Variants in ERCC6L2 observed in about 807,000 individuals in gnomAD.
ERCC6L2 encodes the protein ERCC excision repair 6 like 2, also known as DNA excision repair protein ERCC-6-like 2.
ERCC6L2 carries 77 observed loss-of-function variants against 132.0 expected under a neutral mutation model. That is an observed-to-expected ratio of 0.58 (90% CI 0.49 to 0.71). The LOEUF (loss-of-function observed/expected upper bound fraction) is 0.71. Among genes scored for constraint, ERCC6L2 ranks in the 30% least tolerant of loss-of-function variants. ERCC6L2 has a pLI of 0.00. For synonymous variants in ERCC6L2, 583 were observed against 632.4 expected, an observed-to-expected ratio of 0.92 and a Z score of 1.17; for missense variants, 1,542 against 1,837.6, an observed-to-expected ratio of 0.84 and a Z score of 2.94.
intron 3 of ERCC6L2, among the ~76,000 whole-genome samples, chr9:95,902,731 A>G (rs1828842174): frequency 6.6e-6 from 1 of 152,126 alleles, no homozygotes; most frequent in South Asian, 2.1e-4. Flanking sequence ...ACATAAATTT[A>G]TGACTACCTG....
chr9:96,004,574 C>G lies in ERCC6L2; in HGVS notation c.3547C>G (p.Gln1183Glu). 1 of 1,310,878 alleles carries G rather than the reference C, an allele frequency of 7.6e-7. No individual in the cohort carries two copies. The allele number at this position is 1,310,878 out of a possible 1,614,324, so 81.2% of individuals were successfully genotyped here. A position where few individuals can be genotyped will look rare whatever the true frequency, so the allele number is the denominator to read the frequency against. The change falls in exon 18 of 19, where the codon CAA becomes GAA. Residue 1183 changes from glutamine (Q) to glutamate (E), a missense_variant. Physicochemically the swap from Gln to Glu is conservative, Grantham distance 29. Coordinates refer to ENST00000653738, the MANE Select transcript of ERCC6L2 (RefSeq NM_020207.7). ...ATTGCCACACACAAAGAAAGGCCAG[C>G]AACCGAGTGAAGGCAGCATTTCACT... ...DTLPHTKKGQQPSEGSISLPL... is the reference protein window; with the variant it reads ...DTLPHTKKGQEPSEGSISLPL...
At chr9:95,971,532 T>A (rs1458354168) in intron 15 of ERCC6L2, 1 of 154,026 alleles carries the variant, frequency 6.5e-6, no homozygotes. Flanking sequence ...GTAATCTGTC[T>A]TATTCTTAAA....
chr9:95,878,635 C>CATAAAG (rs1457697619), intron 1 of ERCC6L2, among the ~76,000 whole-genome samples: 1 of 151,714 alleles, frequency 6.6e-6, no homozygotes, highest in Admixed American at 6.6e-5. Context: ...AGGTATATCT[C>CATAAAG]CTAAAGCTAT....
intron 19 of ERCC6L2, chr9:96,026,134 A>T (rs573251447): frequency 1.3e-5 from 2 of 152,440 alleles, no homozygotes; most frequent in Admixed American, 1.3e-4. Context: ...AATCTCCGAG[A>T]TGGACCAGCC....
At chr9:95,918,200 C>G in intron 6 of ERCC6L2, 3 of 481,236 alleles carry the variant, frequency 6.2e-6, no homozygotes, top group South Asian at 4.8e-5. Context: ...GCAGTCAGCC[C>G]TGTAGACATG....
In ERCC6L2 at chr9:95,986,638, A is replaced by T. The variant is rs369122194; in HGVS notation, c.3492+8423A>T. On this transcript the variant is annotated intron_variant, in intron 17 of 18. Transcript: ENST00000653738. ...CAGCCTCCTGAGTAGCTGGGACTAC[A>T]GGCACACATCACCACAGCTGGCTAA... Among the ~76,000 whole-genome samples the T allele has an allele frequency of 2.6e-4, 40 of 151,956 alleles. 1 individual carries two copies. In the Middle Eastern group the frequency reaches 0.014, roughly 52 times the overall value.
chr9:95,951,008 G>A (rs7868559), intron 12 of ERCC6L2, among the ~76,000 whole-genome samples: 101,345 of 152,004 alleles, frequency 0.67, 34,796 homozygotes, highest in African/African-American at 0.83. Flanking sequence ...TCCTTCCAAC[G>A]ACAGCAGAAT....
In ERCC6L2 at chr9:95,972,636, C is replaced by G; in HGVS notation, c.2885C>G (p.Pro962Arg). 7.7e-7 allele frequency: 1 copy of G among 1,293,128 alleles called. No homozygotes were observed. Among genetic ancestry groups the G allele is most frequent in the Middle Eastern group, 2.1e-4 (1 of 4,694 alleles). 80.1% of individuals were successfully genotyped at this position (1,293,128 alleles called of 1,614,324 possible). A position where few individuals can be genotyped will look rare whatever the true frequency, so the allele number is the denominator to read the frequency against. ...RNGIISKKLSPENTTLKSILK... is the reference protein window; with the variant it reads ...RNGIISKKLSRENTTLKSILK... Reference sequence around the variant, plus strand: ...GGAATAATTTCAAAAAAGTTAAGTCCTGAGAACACAACCCTGAAATCTATT... The same window carrying G: ...GGAATAATTTCAAAAAAGTTAAGTCGTGAGAACACAACCCTGAAATCTATT... The change falls in exon 16 of 19, where the codon CCT (proline) becomes CGT (arginine). Residue 962 changes from proline (P) to arginine (R), a missense_variant. Pro to Arg is a moderately radical substitution (Grantham distance 103, BLOSUM62 -2). Coordinates refer to ENST00000653738, the MANE Select transcript of ERCC6L2 (RefSeq NM_020207.7).
rs572600144 is a variant in ERCC6L2 at position 95,875,768 on chromosome 9, G to A, written c.-271G>A. On this transcript the variant is annotated 5_prime_UTR_variant, in exon 1 of 19. The change creates a new upstream start codon in the 5' untranslated region. Transcript: ENST00000653738. ...CGGCGGCGGAGCCCGAGAGAACTAG[G>A]TGAACACCGCTTTGCCAGCCTCACA... 2 of 533,006 alleles carry A rather than the reference G, an allele frequency of 3.8e-6. No individual in the cohort carries two copies. Among genetic ancestry groups the A allele is most frequent in the South Asian group, 4.9e-5 (2 of 40,684 alleles). 33.0% of individuals were successfully genotyped at this position (533,006 alleles called of 1,614,324 possible).
chr9:96,009,151 T>C (rs773374348), intron 18 of ERCC6L2, among the ~76,000 whole-genome samples: 5 of 152,214 alleles, frequency 3.3e-5, no homozygotes, highest in Non-Finnish European at 4.4e-5. Flanking sequence ...AGTTTGCTTT[T>C]GGAATGGACA....
intron 3 of ERCC6L2, among the ~76,000 whole-genome samples, chr9:95,899,590 T>TTATATATA (rs150595611): frequency 6.8e-4 from 94 of 138,474 alleles, no homozygotes; most frequent in African/African-American, 2.6e-3. Context: ...TTTTTTCTCT[T>TTATATATA]TATATATATA....
intron 12 of ERCC6L2, among the ~76,000 whole-genome samples, chr9:95,944,623 G>A (rs867612479): frequency 8.6e-5 from 13 of 152,034 alleles, no homozygotes; most frequent in South Asian, 4.1e-4. Context: ...TAGGTGTATC[G>A]GGGAAATTCA....
intron 17 of ERCC6L2, among the ~76,000 whole-genome samples, chr9:95,981,339 T>A (rs749281673): frequency 6.6e-6 from 1 of 152,194 alleles, no homozygotes; most frequent in Non-Finnish European, 1.5e-5. Context: ...AATTCAACCA[T>A]GTATCTTAAA....
intron 17 of ERCC6L2, among the ~76,000 whole-genome samples, chr9:95,982,134 G>T (rs1039171629): frequency 2.2e-4 from 34 of 152,110 alleles, no homozygotes; most frequent in African/African-American, 7.7e-4. Flanking sequence ...GTAAAACCTG[G>T]ATTAATAGTA....
chr9:95,876,092 C>T lies in ERCC6L2; in HGVS notation c.46+8C>T, dbSNP rs1477434052. On this transcript the variant is annotated splice_region_variant and intron_variant, in intron 1 of 18. Coordinates refer to ENST00000653738, the MANE Select transcript of ERCC6L2 (RefSeq NM_020207.7). ...CGGAAACCTCAGGCAAAGGTACCAG[C>T]TCCGCGCTCGCCCCTTACGCAGAGG... is the stretch of plus-strand genomic sequence containing the variant. 5 of 1,566,602 alleles carry T rather than the reference C, an allele frequency of 3.2e-6. No individual in the cohort carries two copies. The highest frequency in any genetic ancestry group is 4.3e-6 in the Non-Finnish European group (5 of 1,156,064).
intron 3 of ERCC6L2, among the ~76,000 whole-genome samples, chr9:95,899,387 G>C (rs532775419): frequency 1.3e-5 from 2 of 152,156 alleles, no homozygotes; most frequent in South Asian, 4.2e-4. Flanking sequence ...GGGAGGTTGA[G>C]GCTGCGGTGA....
rs1480830097 is a variant in ERCC6L2 at position 95,966,626 on chromosome 9, C to T, written c.2012C>T (p.Ser671Phe). The T allele has an allele frequency of 6.5e-7, 1 of 1,546,636 alleles. No homozygotes were observed. Among genetic ancestry groups the T allele is most frequent in the Admixed American group, 1.7e-5 (1 of 59,320 alleles). Residue 671 changes from serine to phenylalanine, a missense_variant, in exon 14 of 19, where the codon TCT becomes TTT. Physicochemically the swap from Ser to Phe is radical, Grantham distance 155. This residue lies in a region of ERCC6L2 where 945 missense variants were observed against 1,105.2 expected (regional missense o/e 0.86). Coordinates refer to ENST00000653738, the MANE Select transcript of ERCC6L2 (RefSeq NM_020207.7). Reference protein sequence around the residue: ...AKRYFEAVQGSKEHQGELFGI... With the variant: ...AKRYFEAVQGFKEHQGELFGI... ...CGATATTTTGAAGCAGTTCAAGGAT[C>T]TAAAGAGCATCAAGGAGAGCTTTTT... is the stretch of plus-strand genomic sequence containing the variant.
chr9:95,936,353 C>T (rs1356176403), intron 11 of ERCC6L2, among the ~76,000 whole-genome samples: 2 of 152,138 alleles, frequency 1.3e-5, no homozygotes, highest in African/African-American at 4.8e-5. Context: ...TCATCTTGTT[C>T]TCTTCCTTTT....
intron 10 of ERCC6L2, 45 bp downstream of exon 10, chr9:95,928,195 T>C (rs747941585): frequency 3.6e-6 from 5 of 1,391,480 alleles, no homozygotes; most frequent in Non-Finnish European, 5.1e-6. Context: ...GCCTCAACTT[T>C]TGAGGCATAA....
Sources: gnomAD v4.1 joint callset for allele counts (sites outside exome capture counted in the v4.1 genomes callset) on GRCh38, gnomAD v4.1.1 for gene constraint, gnomAD v4.1.1 regional missense constraint, MANE v1.5 for transcripts, NCBI Gene and HGNC (gene_info 2026-07-23, HGNC 2026-07-21) for gene names.